The following CEP76 variants were observed in gnomAD, a reference collection of about 807,000 sequenced individuals.
CEP76 encodes the protein centrosomal protein 76.
A neutral mutation model predicts 83.3 loss-of-function variants in CEP76; 55 were observed. The ratio of observed to expected loss-of-function variants is 0.66; its 90% confidence interval spans 0.53 to 0.83. The LOEUF (loss-of-function observed/expected upper bound fraction) is 0.83, where lower values mean the gene tolerates loss of function less well. Ranked by LOEUF, CEP76 falls within the 40% of genes least tolerant of loss-of-function variation. The probability of loss-of-function intolerance (pLI) is 0.00; values close to 1 mark genes in which losing one functional copy is unlikely to be tolerated. For missense variants in CEP76, 694 were observed against 799.5 expected, an observed-to-expected ratio of 0.87 and a Z score of 1.59; for synonymous variants, 270 against 274.5, an observed-to-expected ratio of 0.98 and a Z score of 0.16.
intron 6 of CEP76, among the ~76,000 whole-genome samples, chr18:12,694,556 C>G (rs1338903176): frequency 3.9e-5 from 6 of 152,306 alleles, no homozygotes; most frequent in Middle Eastern, 3.4e-3. Flanking sequence ...CAAACACACT[C>G]TAAAAGTGGC....
intron 2 of CEP76, 65 bp downstream of exon 2, chr18:12,700,893 T>C (rs1239562632): frequency 1.5e-6 from 2 of 1,342,888 alleles, no homozygotes; most frequent in Non-Finnish European, 2.1e-6. Flanking sequence ...CGGAACCTTA[T>C]AAGTAGTGTT....
intron 1 of CEP76, among the ~76,000 whole-genome samples, chr18:12,701,783 G>A (rs912461099): frequency 6.6e-6 from 1 of 152,184 alleles, no homozygotes; most frequent in Non-Finnish European, 1.5e-5. Context: ...GAGAATTGCT[G>A]ATTGAAGCTC....
Position 12,695,256 on chromosome 18 carries a change from G to A in CEP76, c.802C>T (p.Gln268Ter). The change falls in exon 6 of 12, where the codon CAG (glutamine) becomes TAG (stop). Residue 268 changes from glutamine to a stop codon, truncating the protein, a stop_gained and splice_region_variant. Transcript: ENST00000262127. LOFTEE classifies it high-confidence loss of function. ...AAGAGAAACTCATAAGTATTTACCTGTGTGTTCACTACTTCTTGAGATAAC... is the reference window on the plus strand; with the variant it reads ...AAGAGAAACTCATAAGTATTTACCTATGTGTTCACTACTTCTTGAGATAAC... ...QTLSQEVVNT[Q>*]LALERQKTAE... 7.1e-7 allele frequency: 1 copy of A among 1,411,818 alleles called. No homozygotes were observed. Among genetic ancestry groups the A allele is most frequent in the Non-Finnish European group, 9.9e-7 (1 of 1,011,030 alleles). 87.5% of individuals were successfully genotyped at this position (1,411,818 alleles called of 1,614,324 possible). A position where few individuals can be genotyped will look rare whatever the true frequency, so the allele number is the denominator to read the frequency against.
intron 10 of CEP76, among the ~76,000 whole-genome samples, chr18:12,677,827 T>TA (rs2039197892): frequency 6.6e-6 from 1 of 152,130 alleles, no homozygotes; most frequent in Non-Finnish European, 1.5e-5. Flanking sequence ...CAAATAGTGG[T>TA]ATTCAGCAAA....
At chr18:12,681,633 A>T (rs908846532) in intron 8 of CEP76, among the ~76,000 whole-genome samples, 4 of 152,156 alleles carry the variant, frequency 2.6e-5, no homozygotes, top group African/African-American at 7.2e-5. Flanking sequence ...AATAAATGGA[A>T]AACACTCAAC....
chr18:12,678,092 A>G lies in CEP76; in HGVS notation c.1623+17T>C. Reference sequence around the variant, plus strand: ...TGAAAAGAAGTATGAAACTACAACTATTTCAGTGTGAATTACCTTCCTGTG... The same window carrying G: ...TGAAAAGAAGTATGAAACTACAACTGTTTCAGTGTGAATTACCTTCCTGTG... On this transcript the variant is annotated intron_variant, in intron 10 of 11. Coordinates refer to ENST00000262127, the MANE Select transcript of CEP76 (RefSeq NM_024899.4). The G allele has an allele frequency of 3.8e-6, 6 of 1,582,660 alleles. No homozygotes were observed. Among genetic ancestry groups the G allele is most frequent in the Non-Finnish European group, 5.2e-6 (6 of 1,152,948 alleles).
At chr18:12,694,296 C>T (rs2039871997) in intron 6 of CEP76, among the ~76,000 whole-genome samples, 1 of 152,140 alleles carries the variant, frequency 6.6e-6, no homozygotes, top group Non-Finnish European at 1.5e-5. Context: ...AACCACAGGT[C>T]TGTAAAAGGA....
intron 2 of CEP76, chr18:12,700,149 C>A: frequency 3.4e-6 from 1 of 291,774 alleles, no homozygotes; most frequent in Admixed American, 5.1e-5. Context: ...ATACTATCCA[C>A]ATAAAGCTAA....
chr18:12,674,602 G>A lies in CEP76; in HGVS notation c.1775C>T (p.Thr592Ile). 1.9e-6 allele frequency: 3 copies of A among 1,614,030 alleles called. No homozygotes were observed. Among genetic ancestry groups the A allele is most frequent in the Non-Finnish European group, 8.5e-7 (1 of 1,179,970 alleles). Reference protein sequence around the residue: ...AIRRAVPDGHTFKGFPIHFVY... With the variant: ...AIRRAVPDGHIFKGFPIHFVY... ...AAAATGTATTGGGAACCCTTTAAAT[G>A]TGTGACCATCAGGTACAGCCCTTCT... Residue 592 changes from threonine to isoleucine, a missense_variant, in exon 11 of 12, where the codon ACA (threonine) becomes ATA (isoleucine). Thr to Ile is a moderately conservative substitution (Grantham distance 89). Coordinates refer to ENST00000262127, the MANE Select transcript of CEP76 (RefSeq NM_024899.4).
At chr18:12,696,307 A>G (rs1568030916) in intron 5 of CEP76, among the ~76,000 whole-genome samples, 1 of 152,162 alleles carries the variant, frequency 6.6e-6, no homozygotes, top group Non-Finnish European at 1.5e-5. Flanking sequence ...GATCGAGACC[A>G]TCCCGGCCAA....
chr18:12,681,432 A>G (rs1002862729), intron 8 of CEP76, among the ~76,000 whole-genome samples: 2 of 151,418 alleles, frequency 1.3e-5, no homozygotes, highest in Non-Finnish European at 2.9e-5. Context: ...TTTTTTTTGT[A>G]TAAACAGGGG....
chr18:12,687,510 G>A (rs1299861148), intron 7 of CEP76, among the ~76,000 whole-genome samples: 4 of 149,088 alleles, frequency 2.7e-5, no homozygotes, highest in Non-Finnish European at 5.9e-5. Flanking sequence ...CTGGAGTGCA[G>A]TAGTGTGATT....
At chr18:12,700,905 C>T (rs562236627) in intron 2 of CEP76, 53 bp downstream of exon 2, 959 of 1,417,358 alleles carry the variant, frequency 6.8e-4, no homozygotes, top group Non-Finnish European at 7.5e-4. Context: ...AGTAGTGTTA[C>T]GCATTAGTAT....
chr18:12,675,124 C>T (rs991470644), intron 10 of CEP76, among the ~76,000 whole-genome samples: 37 of 152,136 alleles, frequency 2.4e-4, no homozygotes, highest in African/African-American at 8.7e-4. Flanking sequence ...AGGCCGGGTG[C>T]GGTGGCTCAC....
intron 4 of CEP76, among the ~76,000 whole-genome samples, chr18:12,698,104 A>C (rs935454896): frequency 3.3e-5 from 5 of 152,132 alleles, no homozygotes; most frequent in Non-Finnish European, 7.4e-5. Context: ...TAAGAAAAAA[A>C]AGAAAAAATT....
intron 7 of CEP76, among the ~76,000 whole-genome samples, chr18:12,687,898 TA>T (rs1336281195): frequency 2.0e-5 from 3 of 152,224 alleles, no homozygotes; most frequent in African/African-American, 7.2e-5. Context: ...ACAAACTAAA[TA>T]TTAAAAGAAT....
chr18:12,699,219 A>C lies in CEP76; in HGVS notation c.296-16T>G. 1 of 1,538,676 alleles carries C rather than the reference A, an allele frequency of 6.5e-7. No individual in the cohort carries two copies. The highest frequency in any genetic ancestry group is 8.9e-7 in the Non-Finnish European group (1 of 1,119,014). On this transcript the variant is annotated splice_polypyrimidine_tract_variant and intron_variant, in intron 3 of 11. Transcript: ENST00000262127. ...TCAATATTAGCTGTAAAGTGTAGCA[A>C]TATATATGAGGAAACTGCCAAATAA...
chr18:12,681,055 C>T (rs1006476182), intron 8 of CEP76, among the ~76,000 whole-genome samples: 9 of 151,808 alleles, frequency 5.9e-5, no homozygotes, highest in Admixed American at 4.6e-4. Context: ...AAAAATTAGC[C>T]GGGTGTGGTA....
chr18:12,663,902 T>A (rs1452550556), intron 12 of CEP76, among the ~76,000 whole-genome samples: 2 of 152,216 alleles, frequency 1.3e-5, no homozygotes. Context: ...CAGTGGTTTA[T>A]GCCTGTAATC....
Sources: gnomAD v4.1 joint callset for allele counts (sites outside exome capture counted in the v4.1 genomes callset) on GRCh38, gnomAD v4.1.1 for gene constraint, MANE v1.5 for transcripts, NCBI Gene and HGNC (gene_info 2026-07-23, HGNC 2026-07-21) for gene names.